URB1: variants seen among roughly 807,000 people sequenced by gnomAD.
URB1 encodes nucleolar pre-ribosomal-associated protein 1.
Under a neutral mutation model 242.3 loss-of-function variants are expected in URB1, and 197 were observed. That is an observed-to-expected ratio of 0.81 (90% CI 0.72 to 0.91). The LOEUF (loss-of-function observed/expected upper bound fraction) is 0.91, where lower values mean the gene tolerates loss of function less well. Among genes scored for constraint, URB1 ranks in the 40% least tolerant of loss-of-function variants. URB1 has a pLI of 0.00. For missense variants in URB1, 2,721 were observed against 2,860.5 expected (o/e 0.95, Z 1.11); for synonymous variants, 1,153 against 1,201.8 (o/e 0.96, Z 0.84).
intron 5 of URB1, among the ~76,000 whole-genome samples, chr21:32,377,944 G>A (rs1375482107): frequency 2.0e-5 from 3 of 152,202 alleles, no homozygotes; most frequent in Non-Finnish European, 4.4e-5. Flanking sequence ...GGCCCTGGCA[G>A]ATTAAATGAT....
chr21:32,370,011 A>G (rs1479316833), intron 8 of URB1, among the ~76,000 whole-genome samples: 1 of 151,154 alleles, frequency 6.6e-6, no homozygotes, highest in African/African-American at 2.4e-5. Flanking sequence ...GAAGCAGGAA[A>G]GTCTGCAGAG....
chr21:32,346,186 C>T (rs763705213), intron 22 of URB1, among the ~76,000 whole-genome samples: 48 of 152,172 alleles, frequency 3.2e-4, no homozygotes, highest in Admixed American at 2.0e-4. Flanking sequence ...GAGCTGGCTC[C>T]GCTTTTTCTT....
chr21:32,351,289 C>T (rs2033154931), intron 19 of URB1, among the ~76,000 whole-genome samples: 1 of 152,206 alleles, frequency 6.6e-6, no homozygotes, highest in East Asian at 1.9e-4. Flanking sequence ...GAAGCCCGCT[C>T]TGCGAGTGGC....
chr21:32,354,836 G>A, intron 17 of URB1, 23 bp downstream of exon 17: 1 of 1,550,772 alleles, frequency 6.4e-7, no homozygotes, highest in South Asian at 1.2e-5. Flanking sequence ...CCTCTGAGCA[G>A]CGCAGAACAG....
chr21:32,316,593 C>A lies in URB1; in HGVS notation c.6507G>T (p.Val2169=). ...GCATGACCGTATTGAACAGGCAGGC[C>A]ACCTCCTGCACAGGCCCTGCCAGCC... The part of the protein sequence containing the change: ...AEGLAGPVQE[V]ACLFNTVMLQ... Residue 2169 remains valine, a synonymous_variant, in exon 38 of 39, where the codon GTG becomes GTT. Transcript: ENST00000382751. 1 of 1,551,478 alleles carries A rather than the reference C, an allele frequency of 6.4e-7. No homozygotes were observed. The highest frequency in any genetic ancestry group is 1.2e-5 in the South Asian group (1 of 84,064).
In URB1 at chr21:32,352,924, G is replaced by A; in HGVS notation, c.2417-18C>T. On this transcript the variant is annotated intron_variant, in intron 18 of 38. Transcript: ENST00000382751. The stretch of plus-strand genomic sequence containing the variant: ...GTTTTCCGCTGCAAAGGAACGAGAT[G>A]CATATGGGAAGAGGCTGGCTGGGCC... The A allele has an allele frequency of 6.6e-7, 1 of 1,525,526 alleles. No individual in the cohort carries two copies. The highest frequency in any genetic ancestry group is 8.8e-7 in the Non-Finnish European group (1 of 1,132,924). The allele number at this position is 1,525,526 out of a possible 1,614,324, so 94.5% of individuals were successfully genotyped here.
chr21:32,329,259 C>T (rs986380908), intron 30 of URB1, among the ~76,000 whole-genome samples: 7 of 152,134 alleles, frequency 4.6e-5, no homozygotes, highest in Admixed American at 1.3e-4. Flanking sequence ...GAGTGAGACC[C>T]TGACTCTTAA....
chr21:32,334,193 G>A lies in URB1; in HGVS notation c.4827C>T (p.Phe1609=). 4 of 1,549,712 alleles carry A rather than the reference G, an allele frequency of 2.6e-6. No individual in the cohort carries two copies. In the East Asian group the frequency reaches 9.8e-5, roughly 38 times the overall value. Residue 1609 remains phenylalanine, a synonymous_variant, in exon 29 of 39, where the codon TTC becomes TTT. Transcript: ENST00000382751. The stretch of plus-strand genomic sequence containing the variant: ...GGGGCAGCAGCCTCCGGTTCTGGGG[G>A]AAGTGCAGGATGGTCTGCATCATCC... ...RDRMMQTILH[F]PQNRRLLPPE...
At chr21:32,389,858 C>G (rs1432925574) in intron 1 of URB1, among the ~76,000 whole-genome samples, 5 of 152,236 alleles carry the variant, frequency 3.3e-5, no homozygotes, top group Non-Finnish European at 7.3e-5. Flanking sequence ...CACTGATCCA[C>G]TCTGGAATAT....
chr21:32,386,630 T>A (rs2033586362), intron 1 of URB1, among the ~76,000 whole-genome samples: 1 of 152,210 alleles, frequency 6.6e-6, no homozygotes. Flanking sequence ...CAATGACTCG[T>A]CTGGATCCCC....
chr21:32,371,749 T>C (rs964226089), intron 8 of URB1, among the ~76,000 whole-genome samples: 2 of 151,994 alleles, frequency 1.3e-5, no homozygotes, highest in African/African-American at 4.8e-5. Context: ...CAAGAAAACA[T>C]GGCCAATATT....
At position 32,333,360 on chromosome 21, in the gene URB1, G is replaced by T; in HGVS notation, c.4917C>A (p.Asp1639Glu). ...KSRVDLDGLY[D>E]PCFLLQLFSE... is the part of the protein sequence containing the mutation. ...TGAAGAGCTGAAGGAGAAAGCAGGG[G>T]TCATAGAGGCCATCAAGATCCACCC... is the stretch of plus-strand genomic sequence containing the variant. The change falls in exon 30 of 39, where the codon GAC (aspartate) becomes GAA (glutamate). Residue 1639 changes from aspartate to glutamate, a missense_variant. Transcript: ENST00000382751. The T allele has an allele frequency of 6.4e-7, 1 of 1,551,764 alleles. No individual in the cohort carries two copies. Among genetic ancestry groups the T allele is most frequent in the South Asian group, 1.2e-5 (1 of 84,056 alleles).
At chr21:32,376,526 C>G (rs2033460430) in intron 5 of URB1, among the ~76,000 whole-genome samples, 1 of 151,702 alleles carries the variant, frequency 6.6e-6, no homozygotes, top group African/African-American at 2.4e-5. Context: ...AACTATTACC[C>G]TTCTGATGTA....
In URB1 at chr21:32,325,348, G is replaced by C. The variant is rs759182289; in HGVS notation, c.5002C>G (p.Leu1668Val). 4.5e-6 allele frequency: 7 copies of C among 1,551,304 alleles called. No homozygotes were observed. Among genetic ancestry groups the C allele is most frequent in the African/African-American group, 2.7e-5 (2 of 73,050 alleles). The change falls in exon 31 of 39, where the codon CTG becomes GTG. Residue 1668 changes from leucine to valine, a missense_variant. Physicochemically the swap from Leu to Val is conservative, Grantham distance 32. Coordinates refer to ENST00000382751, the MANE Select transcript of URB1 (RefSeq NM_014825.3). Reference sequence around the variant, plus strand: ...CTGAGGGCTGTGACAGTTAGGCCCAGAGCATTTGAATCCAAAAATTTTCGA... The same window carrying C: ...CTGAGGGCTGTGACAGTTAGGCCCACAGCATTTGAATCCAAAAATTTTCGA... ...DCRKFLDSNA[L>V]GLTVTALSSY...
In URB1 at chr21:32,363,043, C is replaced by G. The variant is rs577510333; in HGVS notation, c.1509+113G>C. The G allele has an allele frequency of 3.3e-5, 45 of 1,379,722 alleles. No individual in the cohort carries two copies. In the African/African-American group the frequency reaches 6.0e-4, roughly 18 times the overall value. 85.5% of individuals were successfully genotyped at this position (1,379,722 alleles called of 1,614,324 possible). On this transcript the variant is annotated intron_variant, in intron 11 of 38. Transcript: ENST00000382751. ...GCTACCACACTGCCCACCGGCCTGT[C>G]CAACCCTGCGGCTCCAAGGACACAT...
chr21:32,317,347 A>C (rs980402674), intron 37 of URB1, among the ~76,000 whole-genome samples: 1 of 152,234 alleles, frequency 6.6e-6, no homozygotes. Flanking sequence ...TCAGTCCAGG[A>C]GGCCAGGTTC....
chr21:32,321,916 C>T lies in URB1; in HGVS notation c.5369G>A (p.Gly1790Asp). The T allele has an allele frequency of 6.4e-7, 1 of 1,551,576 alleles. No homozygotes were observed. ...GTCACGGATCCCCTGCCGCAGAACG[C>T]CAAACACCCACTTCTGCTCTGTTTT... ...EQKTEQKWVF[G>D]VLRQGIRDKQ... is the part of the protein sequence containing the mutation. The change falls in exon 34 of 39, where the codon GGC becomes GAC. Residue 1790 changes from glycine to aspartate, a missense_variant. Physicochemically the swap from Gly to Asp is moderately conservative, Grantham distance 94. Coordinates refer to ENST00000382751, the MANE Select transcript of URB1 (RefSeq NM_014825.3).
chr21:32,361,189 A>AAGAAAGAAAGAAAGAAAGAC, intron 12 of URB1, 66 bp from the exon 13 acceptor site: 1 of 883,312 alleles, frequency 1.1e-6, no homozygotes, highest in Non-Finnish European at 1.7e-6. Flanking sequence ...GAAAGAAAGA[A>AAGAAAGAAAGAAAGAAAGAC]AGAAAGAAAG....
chr21:32,390,042 G>A (rs2033621808), intron 1 of URB1, among the ~76,000 whole-genome samples: 1 of 152,188 alleles, frequency 6.6e-6, no homozygotes, highest in Non-Finnish European at 1.5e-5. Context: ...CGTATAAAGA[G>A]GAAGAGAGGA....
Sources: allele counts gnomAD v4.1 joint callset (sites outside exome capture counted in the v4.1 genomes callset), GRCh38; gene constraint gnomAD v4.1.1; transcripts MANE v1.5; gene names NCBI Gene and HGNC (gene_info 2026-07-23, HGNC 2026-07-21).